The following ZNF131 variants were observed in gnomAD, a reference collection of about 807,000 sequenced individuals.
ZNF131 encodes zinc finger and BTB domain containing 35, also known as zinc finger protein 131.
In ZNF131, 7 loss-of-function variants were observed where a neutral mutation model predicts 60.0. The ratio of observed to expected loss-of-function variants is 0.12; its 90% CI spans 0.07 to 0.22. The LOEUF (loss-of-function observed/expected upper bound fraction) is 0.22, where lower values mean the gene tolerates loss of function less well. Ranked by LOEUF, ZNF131 falls within the 10% of genes least tolerant of loss-of-function variation. The pLI is 1.00. For missense variants in ZNF131, 493 were observed against 740.9 expected (o/e 0.67, Z 3.88); for synonymous variants, 257 against 253.2 (o/e 1.01, Z -0.14).
intron 4 of ZNF131, among the ~76,000 whole-genome samples, chr5:43,142,800 T>C (rs1747028527): frequency 6.6e-6 from 1 of 151,928 alleles, no homozygotes; most frequent in African/African-American, 2.4e-5. Flanking sequence ...CAAGAGATCC[T>C]CCCACCTTAG....
intron 3 of ZNF131, among the ~76,000 whole-genome samples, chr5:43,138,392 G>A (rs971330428): frequency 2.0e-5 from 3 of 152,100 alleles, no homozygotes; most frequent in African/African-American, 7.2e-5. Flanking sequence ...GGTGGCTCAC[G>A]CCTGTAATCC....
At chr5:43,136,424 T>TC (rs1049370879) in intron 3 of ZNF131, among the ~76,000 whole-genome samples, 7 of 145,688 alleles carry the variant, frequency 4.8e-5, no homozygotes, top group African/African-American at 1.5e-4. Flanking sequence ...CCACAGAAAA[T>TC]CATGGACTAG....
At chr5:43,128,026 C>T (rs1167214356) in intron 3 of ZNF131, among the ~76,000 whole-genome samples, 1 of 152,200 alleles carries the variant, frequency 6.6e-6, no homozygotes, top group Non-Finnish European at 1.5e-5. Flanking sequence ...CCACCAGTTG[C>T]AGGGATTCCC....
intron 4 of ZNF131, among the ~76,000 whole-genome samples, chr5:43,160,195 A>C (rs979869640): frequency 1.0e-4 from 15 of 150,020 alleles, no homozygotes; most frequent in East Asian, 3.9e-4. Flanking sequence ...AAACAAAAAA[A>C]AAAACAAAAA....
intron 5 of ZNF131, among the ~76,000 whole-genome samples, chr5:43,163,009 T>C (rs1749931339): frequency 8.4e-6 from 1 of 119,400 alleles, no homozygotes; most frequent in Non-Finnish European, 1.7e-5. Flanking sequence ...TCTCGCTCTG[T>C]TGCCCAGGCT....
intron 3 of ZNF131, among the ~76,000 whole-genome samples, chr5:43,128,077 CTT>C (rs1245591313): frequency 6.6e-6 from 1 of 152,180 alleles, no homozygotes; most frequent in Admixed American, 6.5e-5. Context: ...CCTTTTACTC[CTT>C]TCTAAGCATT....
chr5:43,144,074 C>G (rs1433398137), intron 4 of ZNF131, among the ~76,000 whole-genome samples: 1 of 150,872 alleles, frequency 6.6e-6, no homozygotes, highest in African/African-American at 2.4e-5. Context: ...AGGCACTCGC[C>G]ACCACGCCCA....
At chr5:43,129,027 G>A (rs573713275) in intron 3 of ZNF131, among the ~76,000 whole-genome samples, 5 of 152,186 alleles carry the variant, frequency 3.3e-5, no homozygotes, top group African/African-American at 9.6e-5. Context: ...TCCGCCTCCC[G>A]GGTTCAAGCA....
At chr5:43,163,175 A>G (rs1010401919) in intron 5 of ZNF131, among the ~76,000 whole-genome samples, 4 of 151,776 alleles carry the variant, frequency 2.6e-5, no homozygotes, top group East Asian at 2.0e-4. Context: ...GGGTTTCACC[A>G]TATTGGTCAG....
At chr5:43,125,875 C>T (rs1040156267) in intron 3 of ZNF131, among the ~76,000 whole-genome samples, 1 of 152,152 alleles carries the variant, frequency 6.6e-6, no homozygotes, top group East Asian at 1.9e-4. Context: ...AGAGCCTGGT[C>T]TTCTGAAGAC....
Position 43,145,611 on chromosome 5 carries a change from C to T in ZNF131, c.371+6302C>T, listed in dbSNP as rs140537517. ...GAGGTTGCAGTAAGCCAAGATCGCA[C>T]CACTGCACTCCATCCAGCCTGGGTG... On this transcript the variant is annotated intron_variant, in intron 4 of 6. Transcript: ENST00000682664. Among the ~76,000 whole-genome samples, 267 of 152,132 alleles carry T rather than the reference C, an allele frequency of 1.8e-3. 2 individuals are homozygous for T. The highest frequency in any genetic ancestry group is 6.0e-3 in the African/African-American group (249 of 41,518).
At chr5:43,142,751 G>A (rs1747022444) in intron 4 of ZNF131, among the ~76,000 whole-genome samples, 2 of 151,758 alleles carry the variant, frequency 1.3e-5, no homozygotes, top group Admixed American at 1.3e-4. Context: ...GAGTGCAGTG[G>A]CACAATCTCA....
At chr5:43,130,448 A>G (rs1214336600) in intron 3 of ZNF131, among the ~76,000 whole-genome samples, 2 of 152,106 alleles carry the variant, frequency 1.3e-5, no homozygotes, top group African/African-American at 4.8e-5. Context: ...TTCTTTGATA[A>G]CTTTCTTCTC....
chr5:43,161,305 A>G lies in ZNF131; in HGVS notation c.428A>G (p.Lys143Arg), dbSNP rs935804814. The change falls in exon 5 of 7, where the codon AAA becomes AGA. Residue 143 changes from lysine (K) to arginine (R), a missense_variant. Physicochemically the swap from Lys to Arg is conservative, Grantham distance 26 (BLOSUM62 2). Around this residue, in one of 7 missense-constraint regions of ZNF131, gnomAD observed 138 missense variants for 158.7 expected, o/e 0.87. Transcript: ENST00000682664. ...EENTTGKNEA[K>R]KRKIAETSNV... ...AATACCACAGGAAAAAATGAGGCCA[A>G]AAAAAGGAAGATTGCAGAAACTTCA... 6.2e-7 allele frequency: 1 copy of G among 1,613,602 alleles called. No homozygotes were observed. The highest frequency in any genetic ancestry group is 8.5e-7 in the Non-Finnish European group (1 of 1,179,916).
rs181623039 is a variant in ZNF131, at chr5:43,131,333, C to A, written c.227-7832C>A. Among the ~76,000 whole-genome samples, 86 of 151,290 alleles carry A rather than the reference C, an allele frequency of 5.7e-4. 2 individuals are homozygous for A. In the South Asian group the frequency reaches 0.017, roughly 31 times the overall value. ...GATTACAGGCGTGCACCACCACACC[C>A]GGCTAATTTTTTGTATTTTTAGGAG... On this transcript the variant is annotated intron_variant, in intron 3 of 6. Transcript: ENST00000682664.
chr5:43,132,505 C>CTTA (rs1745482442), intron 3 of ZNF131, among the ~76,000 whole-genome samples: 1 of 93,504 alleles, frequency 1.1e-5, no homozygotes, highest in Admixed American at 1.3e-4. Flanking sequence ...GAATGGTATT[C>CTTA]TTTTTTTTTT....
intron 4 of ZNF131, among the ~76,000 whole-genome samples, chr5:43,155,890 G>GTCA (rs1167030232): frequency 6.6e-6 from 1 of 152,198 alleles, no homozygotes; most frequent in Non-Finnish European, 1.5e-5. Context: ...TAACATTGCA[G>GTCA]TCAGCCTTTG....
At chr5:43,129,514 A>T (rs1251523995) in intron 3 of ZNF131, among the ~76,000 whole-genome samples, 1 of 152,230 alleles carries the variant, frequency 6.6e-6, no homozygotes, top group Non-Finnish European at 1.5e-5. Context: ...TCTAAGGGTA[A>T]TGAAAAACAT....
intron 4 of ZNF131, among the ~76,000 whole-genome samples, chr5:43,147,688 T>G (rs1208146804): frequency 6.7e-6 from 1 of 149,756 alleles, no homozygotes; most frequent in Non-Finnish European, 1.5e-5. Flanking sequence ...CCCAAAGTGC[T>G]GGGATTACAG....
Sources: gnomAD v4.1 joint callset for allele counts (sites outside exome capture counted in the v4.1 genomes callset) on GRCh38, gnomAD v4.1.1 for gene constraint, gnomAD v4.1.1 regional missense constraint, MANE v1.5 for transcripts, NCBI Gene and HGNC (gene_info 2026-07-23, HGNC 2026-07-21) for gene names.